POLR2F: variants seen among roughly 807,000 people sequenced by gnomAD.
POLR2F encodes the protein DNA-directed RNA polymerases I, II, and III subunit RPABC2.
Under a neutral mutation model 22.7 loss-of-function variants are expected in POLR2F, and 12 were observed. That is an observed-to-expected ratio of 0.53 (90% confidence interval 0.34 to 0.86). The LOEUF (loss-of-function observed/expected upper bound fraction) is 0.86. Ranked by LOEUF, POLR2F falls within the 40% of genes least tolerant of loss-of-function variation. The pLI, the probability that POLR2F is intolerant of heterozygous loss-of-function variation, is 0.02. For synonymous variants in POLR2F, 57 were observed against 66.0 expected (o/e 0.86, Z 0.66); for missense variants, 126 against 171.5 (o/e 0.73, Z 1.48).
chr22:37,974,088 G>A (rs1932148061), downstream of POLR2F: 1 of 1,613,810 alleles, frequency 6.2e-7, no homozygotes, highest in African/African-American at 1.3e-5. This position sits in a 1 kb window ranked among gnomAD's most constrained non-coding sequence, Gnocchi z 5.4. Flanking sequence ...AAGTCGATGT[G>A]AGGCTTCCCG....
At chr22:37,999,834 G>A (rs776112423) in intron 1 of POLR2F, among the ~76,000 whole-genome samples, 9 of 152,144 alleles carry the variant, frequency 5.9e-5, no homozygotes, top group African/African-American at 9.7e-5. Flanking sequence ...TCAAGTGCCC[G>A]ACACAATAGC....
Position 37,969,306 on chromosome 22 carries a change from GT to G in POLR2F, c.*1592del. The G allele has an allele frequency of 1.0e-6, 1 of 985,354 alleles. No homozygotes were observed. Among genetic ancestry groups the G allele is most frequent in the Non-Finnish European group, 1.2e-6 (1 of 829,926 alleles). The allele number at this position is 985,354 out of a possible 1,614,324, so 61.0% of individuals were successfully genotyped here. ...GACTTCTCTTGAATAAAATGTCCCG[GT>G]CACCACTATTGGTTCTGTTTTCTTA... On this transcript the variant is annotated 3_prime_UTR_variant, in exon 5 of 5. Coordinates refer to ENST00000442738, the MANE Select transcript of POLR2F (RefSeq NM_021974.5).
Position 38,017,375 on chromosome 22 carries a change from C to T in POLR2F, c.121-8494C>T, listed in dbSNP as rs1441832042. On this transcript the variant is annotated intron_variant, in intron 1 of 2. Coordinates refer to the POLR2F transcript ENST00000333418. The surrounding 1 kb of genome is among the most constrained non-coding windows in gnomAD (Gnocchi z 4.1). ...GTCAGCTTGGCTCTTGGGGGTCTGT[C>T]TCCCAGCTGGGCCTGGTCCAGATGC... Among the ~76,000 whole-genome samples the T allele has an allele frequency of 6.6e-6, 1 of 152,078 alleles. No homozygotes were observed. Among genetic ancestry groups the T allele is most frequent in the African/African-American group, 2.4e-5 (1 of 41,404 alleles).
chr22:37,955,780 T>G (rs1458258996), intron 1 of POLR2F, among the ~76,000 whole-genome samples: 2 of 151,782 alleles, frequency 1.3e-5, no homozygotes, highest in African/African-American at 4.8e-5. Context: ...CCTCTCGGGT[T>G]CAAGCAATTC....
upstream of POLR2F, among the ~76,000 whole-genome samples, chr22:37,982,753 G>A (rs1932439877): frequency 6.6e-6 from 1 of 152,118 alleles, no homozygotes; most frequent in Non-Finnish European, 1.5e-5. Context: ...TCCCTAGGAG[G>A]ATGAAGAAGC....
rs72029351 is a variant in POLR2F, at chr22:37,997,039, TGCCAGCTGGGACACAGGTGGCAG to T, written c.120+10754_120+10776del. ...CAGTGGCTGGCTGCATCCTCTGGGG[TGCCAGCTGGGACACAGGTGGCAG>T]GCCAGCTGGGACACAGGTGGCAGGC... On this transcript the variant is annotated intron_variant, in intron 1 of 2. Coordinates refer to the POLR2F transcript ENST00000333418. This position sits in a 1 kb window ranked among gnomAD's most constrained non-coding sequence, Gnocchi z 4.4. Among the ~76,000 whole-genome samples the T allele has an allele frequency of 0.016, 2,411 of 151,966 alleles. 70 individuals are homozygous for T. The highest frequency in any genetic ancestry group is 0.054 in the African/African-American group (2,223 of 41,402).
At chr22:37,983,899 C>T (rs988695770), upstream of POLR2F, 4 of 923,166 alleles carry the variant, frequency 4.3e-6, no homozygotes, top group Non-Finnish European at 5.7e-6. This position sits in a 1 kb window ranked among gnomAD's most constrained non-coding sequence, Gnocchi z 9.5. Flanking sequence ...ATGGAGCGGC[C>T]GCGCGCGCAG....
downstream of POLR2F, among the ~76,000 whole-genome samples, chr22:38,026,918 C>G (rs2085016805): frequency 6.6e-6 from 1 of 152,096 alleles, no homozygotes; most frequent in East Asian, 1.9e-4. Flanking sequence ...CCTGCCTTGC[C>G]CCAGCTCCCC....
intron 1 of POLR2F, among the ~76,000 whole-genome samples, chr22:37,955,181 G>C (rs554109898): frequency 6.6e-6 from 1 of 151,910 alleles, no homozygotes; most frequent in African/African-American, 2.4e-5. Flanking sequence ...GGGCTATAGG[G>C]GGAGAGAGAA....
intron 1 of POLR2F, among the ~76,000 whole-genome samples, chr22:37,991,875 G>A (rs1173714085): frequency 6.6e-6 from 1 of 152,198 alleles, no homozygotes; most frequent in Admixed American, 6.5e-5. Context: ...CTGGGGTGTG[G>A]ACTTGAGGGC....
At chr22:37,998,528 C>T (rs900289511) in intron 1 of POLR2F, among the ~76,000 whole-genome samples, 1 of 152,152 alleles carries the variant, frequency 6.6e-6, no homozygotes, top group Non-Finnish European at 1.5e-5. Flanking sequence ...TGGGGTGGTC[C>T]TGCTGTCCCA....
At chr22:38,038,874 C>A (rs1410706487) in intron 5 of POLR2F, among the ~76,000 whole-genome samples, 3 of 151,856 alleles carry the variant, frequency 2.0e-5, no homozygotes, top group African/African-American at 7.3e-5. Context: ...CACTGGCGGC[C>A]GCCATCTTGC....
intron 1 of POLR2F, among the ~76,000 whole-genome samples, chr22:38,005,961 G>A (rs1343210080): frequency 1.3e-5 from 2 of 152,238 alleles, no homozygotes; most frequent in African/African-American, 2.4e-5. Flanking sequence ...GGTGGCTCAC[G>A]CTTGTAATCC....
At chr22:38,001,862 C>G (rs2084773425) in intron 1 of POLR2F, among the ~76,000 whole-genome samples, 1 of 151,914 alleles carries the variant, frequency 6.6e-6, no homozygotes, top group Admixed American at 6.6e-5. Flanking sequence ...GAGTCTCACT[C>G]TGGTGCCCAG....
At chr22:37,985,792 T>G, upstream of POLR2F, among the ~76,000 whole-genome samples, 1 of 145,288 alleles carries the variant, frequency 6.9e-6, no homozygotes, top group Non-Finnish European at 1.5e-5. Flanking sequence ...CAGAGGCATG[T>G]TGGGGGTGGG....
rs543698377 is a variant in POLR2F, at chr22:37,979,478, G to C, written c.293+12308G>C. Among the ~76,000 whole-genome samples, 9 of 152,138 alleles carry C rather than the reference G, an allele frequency of 5.9e-5. No individual in the cohort carries two copies. In the South Asian group the frequency reaches 1.9e-3, roughly 32 times the overall value. ...GGTTGGACTCTTAACTCTGGGTCCT[G>C]ATTGTGTGAATTCCAGTGTGGTGGG... is the stretch of plus-strand genomic sequence containing the variant. On this transcript the variant is annotated intron_variant, in intron 4 of 4. Coordinates refer to the POLR2F transcript ENST00000405557.
intron 1 of POLR2F, chr22:38,025,610 A>C (rs1880844989): frequency 3.2e-6 from 5 of 1,546,582 alleles, no homozygotes; most frequent in Non-Finnish European, 4.4e-6. Context: ...CACAGTGCTG[A>C]GACCCTCCTA....
At chr22:38,029,663 G>A (rs1164646285), downstream of POLR2F, among the ~76,000 whole-genome samples, 1 of 152,196 alleles carries the variant, frequency 6.6e-6, no homozygotes, top group African/African-American at 2.4e-5. Flanking sequence ...TTCTGTTTTT[G>A]CTACCTGTGA....
rs1195994103 is a variant in POLR2F, at chr22:37,967,983, C to T, written c.*268C>T. On this transcript the variant is annotated 3_prime_UTR_variant, in exon 5 of 5. Coordinates refer to ENST00000442738, the MANE Select transcript of POLR2F (RefSeq NM_021974.5). ...CCCTCCATCTCCCTGTTCCCCAGAG[C>T]AAAGGCTGCTGCAGGGGAGACACCT... The T allele has an allele frequency of 9.0e-7, 1 of 1,105,130 alleles. No homozygotes were observed. Among genetic ancestry groups the T allele is most frequent in the Non-Finnish European group, 1.1e-6 (1 of 905,246 alleles). The allele number at this position is 1,105,130 out of a possible 1,614,324, so 68.5% of individuals were successfully genotyped here. A position where few individuals can be genotyped will look rare whatever the true frequency, so the allele number is the denominator to read the frequency against.
Sources: gnomAD v4.1 joint callset for allele counts (sites outside exome capture counted in the v4.1 genomes callset) on GRCh38, gnomAD v4.1.1 for gene constraint, Gnocchi (gnomAD v3.1) non-coding constraint, MANE v1.5 for transcripts, NCBI Gene and HGNC (gene_info 2026-07-23, HGNC 2026-07-21) for gene names.